Variants in UBN2 observed in about 807,000 individuals in gnomAD.
UBN2 encodes ubinuclein 2, also known as ubinuclein-2.
UBN2 carries 35 observed loss-of-function variants against 120.2 expected under a neutral mutation model. That is an observed-to-expected ratio of 0.29 (90% CI 0.22 to 0.39). The LOEUF (loss-of-function observed/expected upper bound fraction) is 0.39. Ranked by LOEUF, UBN2 falls within the 10% of genes least tolerant of loss-of-function variation. The pLI is 1.00. For synonymous variants in UBN2, 661 were observed against 648.7 expected, an observed-to-expected ratio of 1.02 and a Z score of -0.29; for missense variants, 1,693 against 1,663.2, an observed-to-expected ratio of 1.02 and a Z score of -0.31.
intron 15 of UBN2, among the ~76,000 whole-genome samples, chr7:139,292,932 G>A (rs1019276790): frequency 6.6e-6 from 1 of 152,198 alleles, no homozygotes; most frequent in Non-Finnish European, 1.5e-5. Context: ...CAGAGACCGA[G>A]CTGAAATTGC....
chr7:139,259,655 T>A (rs2130978559), intron 5 of UBN2, among the ~76,000 whole-genome samples: 1 of 152,346 alleles, frequency 6.6e-6, no homozygotes, highest in East Asian at 1.9e-4. Context: ...ACTGTTCTAA[T>A]CTTTTGGTAC....
intron 6 of UBN2, among the ~76,000 whole-genome samples, chr7:139,265,837 G>A (rs1476268583): frequency 1.3e-5 from 2 of 152,154 alleles, no homozygotes; most frequent in Non-Finnish European, 2.9e-5. Flanking sequence ...GCCTCTGGAG[G>A]GACCATGGGC....
intron 7 of UBN2, among the ~76,000 whole-genome samples, chr7:139,268,658 G>C (rs1444295223): frequency 1.3e-5 from 2 of 152,060 alleles, no homozygotes; most frequent in South Asian, 2.1e-4. Flanking sequence ...GTGTCACTCT[G>C]TTGCCCAGCC....
At chr7:139,279,274 T>C in intron 12 of UBN2, 44 bp from the exon 13 acceptor site, 1 of 1,479,702 alleles carries the variant, frequency 6.8e-7, no homozygotes, top group African/African-American at 1.4e-5. Flanking sequence ...TAATGAGCAA[T>C]ATAACTGCTA....
At chr7:139,262,851 G>A (rs979358357) in intron 6 of UBN2, among the ~76,000 whole-genome samples, 6 of 151,912 alleles carry the variant, frequency 3.9e-5, no homozygotes, top group African/African-American at 1.2e-4. Flanking sequence ...GTTATTCCAT[G>A]TGGCCCCATC....
intron 3 of UBN2, among the ~76,000 whole-genome samples, chr7:139,257,131 T>C (rs759072183): frequency 3.9e-5 from 6 of 152,328 alleles, no homozygotes; most frequent in Non-Finnish European, 8.8e-5. Flanking sequence ...CTTTTTTCTT[T>C]CCTACTTTGA....
In UBN2 at chr7:139,303,773, G is replaced by A. The variant is rs1414266005; in HGVS notation, c.*5937G>A. 2 of 152,012 alleles carry A rather than the reference G, an allele frequency of 1.3e-5. No homozygotes were observed. 9.4% of individuals were successfully genotyped at this position (152,012 alleles called of 1,614,324 possible). A position where few individuals can be genotyped will look rare whatever the true frequency, so the allele number is the denominator to read the frequency against. On this transcript the variant is annotated 3_prime_UTR_variant, in exon 18 of 18. Transcript: ENST00000473989. ...GTTTTTAAATTTAAAAAAATCACTG[G>A]AATTTTAATTTAGATACATATTTGT...
chr7:139,326,349 CCCT>C, the UBN2 span, among the ~76,000 whole-genome samples: 1 of 152,188 alleles, frequency 6.6e-6, no homozygotes, highest in African/African-American at 2.4e-5. Flanking sequence ...AATGGCAGAA[CCCT>C]CCTATCATTT....
At chr7:139,238,632 G>A (rs565407350) in intron 2 of UBN2, among the ~76,000 whole-genome samples, 5 of 152,046 alleles carry the variant, frequency 3.3e-5, no homozygotes, top group South Asian at 2.1e-4. Context: ...ATGTTGGCCC[G>A]GCTGGTCTCG....
intron 17 of UBN2, 130 bp downstream of exon 17, chr7:139,294,111 C>G: frequency 1.3e-6 from 1 of 798,584 alleles, no homozygotes; most frequent in South Asian, 1.6e-5. Flanking sequence ...ACTGAATCCT[C>G]ATTCCTCATT....
intron 13 of UBN2, among the ~76,000 whole-genome samples, chr7:139,281,112 A>T (rs1260359353): frequency 1.3e-5 from 2 of 152,192 alleles, no homozygotes; most frequent in East Asian, 3.8e-4. Context: ...ACATTTTGAT[A>T]CATCTATTCA....
At chr7:139,232,102 G>A in intron 1 of UBN2, 150 bp downstream of exon 1, 1 of 697,570 alleles carries the variant, frequency 1.4e-6, no homozygotes, top group Non-Finnish European at 2.2e-6. Context: ...GCGGGTGGAC[G>A]GGGCGGTGAG....
rs1279399263 is a variant in UBN2, at chr7:139,302,939, A to G, written c.*5103A>G. 2.6e-5 allele frequency: 4 copies of G among 152,210 alleles called. No individual in the cohort carries two copies. The highest frequency in any genetic ancestry group is 9.7e-5 in the African/African-American group (4 of 41,448). The allele number at this position is 152,210 out of a possible 1,614,324, so 9.4% of individuals were successfully genotyped here. ...ATAACAAGAGTACCTTGCAAGTCAC[A>G]TTGGTAAGGTGCGCTAGACTAAACA... On this transcript the variant is annotated 3_prime_UTR_variant, in exon 18 of 18. Transcript: ENST00000473989.
At chr7:139,286,415 C>G (rs1034902764) in intron 15 of UBN2, among the ~76,000 whole-genome samples, 7 of 152,252 alleles carry the variant, frequency 4.6e-5, no homozygotes, top group Admixed American at 1.3e-4. Flanking sequence ...GTTTTCATCT[C>G]TATGCCACTT....
At chr7:139,247,723 G>C (rs879699533) in intron 2 of UBN2, among the ~76,000 whole-genome samples, 2 of 152,106 alleles carry the variant, frequency 1.3e-5, no homozygotes, top group Non-Finnish European at 2.9e-5. Flanking sequence ...GCAAATCTGA[G>C]CATTTTTTTT....
intron 15 of UBN2, among the ~76,000 whole-genome samples, chr7:139,288,450 G>A (rs1371361620): frequency 6.6e-6 from 1 of 152,188 alleles, no homozygotes; most frequent in African/African-American, 2.4e-5. Flanking sequence ...AAAAGAGCCT[G>A]AAGTGAAGGC....
At chr7:139,315,498 T>C in the UBN2 span, 4 of 152,184 alleles carry the variant, frequency 2.6e-5, no homozygotes, top group Non-Finnish European at 5.9e-5. Context: ...CCCCAAATAA[T>C]ATCTCATTGT....
rs1216655833 is a variant in UBN2 at position 139,266,357 on chromosome 7, G to A, written c.1420G>A (p.Gly474Arg). The A allele has an allele frequency of 7.6e-6, 12 of 1,578,888 alleles. No homozygotes were observed. In the East Asian group the frequency reaches 2.0e-4, roughly 27 times the overall value. Residue 474 changes from glycine (G) to arginine (R), a missense_variant, in exon 7 of 18, where the codon GGA (glycine) becomes AGA (arginine). Gly to Arg is a moderately radical substitution (Grantham distance 125). Around this residue, in one of 5 missense-constraint regions of UBN2, gnomAD observed 178 missense variants for 204.0 expected, o/e 0.87. Transcript: ENST00000473989. ...GGCTGCCAAACTTTTTGATGAAGAAGGAAGGAAAAAATTCTTTACACAGGA... is the reference window on the plus strand; with the variant it reads ...GGCTGCCAAACTTTTTGATGAAGAAAGAAGGAAAAAATTCTTTACACAGGA... ...RVAAKLFDEEGRKKFFTQDMN... is the reference protein window; with the variant it reads ...RVAAKLFDEERRKKFFTQDMN...
At chr7:139,232,067 G>T in intron 1 of UBN2, 115 bp downstream of exon 1, 1 of 1,027,364 alleles carries the variant, frequency 9.7e-7, no homozygotes, top group Non-Finnish European at 1.4e-6. Context: ...CGCCCCGAGG[G>T]TGGGGTGCGG....
Sources: gnomAD v4.1 joint callset for allele counts (sites outside exome capture counted in the v4.1 genomes callset) on GRCh38, gnomAD v4.1.1 for gene constraint, gnomAD v4.1.1 regional missense constraint, MANE v1.5 for transcripts, NCBI Gene and HGNC (gene_info 2026-07-23, HGNC 2026-07-21) for gene names.